Variants in INSL6 observed in about 807,000 individuals in gnomAD.
The protein encoded by INSL6 is insulin-like peptide INSL6.
Under a neutral mutation model 9.4 loss-of-function variants are expected in INSL6, and 16 were observed. That is an observed-to-expected ratio of 1.70 (90% CI 1.15 to 2.59). The LOEUF is 2.59. Ranked by LOEUF, INSL6 falls within the 30% of genes most tolerant of loss-of-function variation. INSL6 has a pLI of 0.00. For synonymous variants in INSL6, 154 were observed against 96.9 expected, an observed-to-expected ratio of 1.59 and a Z score of -3.46; for missense variants, 391 against 257.3, an observed-to-expected ratio of 1.52 and a Z score of -3.56.
chr9:5,114,631 G>A, the INSL6 span: 3 of 481,224 alleles, frequency 6.2e-6, no homozygotes, highest in African/African-American at 5.9e-5. Context: ...CCGGACACTT[G>A]GCACAGCATG....
the INSL6 span, chr9:5,054,813 A>G: frequency 1.2e-6 from 2 of 1,612,798 alleles, no homozygotes; most frequent in Non-Finnish European, 1.7e-6. This position sits in a 1 kb window ranked among gnomAD's most constrained non-coding sequence, Gnocchi z 4.9. Context: ...TGCAACCATT[A>G]TAATAACTGG....
intron 2 of INSL6, among the ~76,000 whole-genome samples, chr9:5,135,701 C>G (rs1350293172): frequency 6.6e-6 from 1 of 151,920 alleles, no homozygotes; most frequent in African/African-American, 2.4e-5. Flanking sequence ...CCTAACATCA[C>G]AATTAAAAGA....
chr9:5,128,208 T>C (rs1231126048), intron 3 of INSL6: 1 of 231,788 alleles, frequency 4.3e-6, no homozygotes, highest in Non-Finnish European at 8.5e-6. Flanking sequence ...TTCTACTTTT[T>C]TGAAAGTTGT....
the INSL6 span, chr9:5,114,337 T>C: frequency 1.9e-6 from 1 of 537,346 alleles, no homozygotes; most frequent in South Asian, 1.6e-5. Flanking sequence ...GCTCAGGTCA[T>C]CCTAAGGCAA....
At chr9:5,039,228 G>A in the INSL6 span, among the ~76,000 whole-genome samples, 908 of 152,126 alleles carry the variant, frequency 6.0e-3, 6 homozygotes, top group African/African-American at 0.02. Flanking sequence ...TAGTCATCCC[G>A]CTGTATCCAT....
At chr9:5,153,954 G>A (rs1397842599) in intron 2 of INSL6, among the ~76,000 whole-genome samples, 1 of 152,116 alleles carries the variant, frequency 6.6e-6, no homozygotes, top group African/African-American at 2.4e-5. Flanking sequence ...ACTTTCTTCA[G>A]AGAATTGGAA....
At chr9:5,109,394 C>T in the INSL6 span, 2 of 152,064 alleles carry the variant, frequency 1.3e-5, no homozygotes, top group African/African-American at 4.8e-5. Context: ...TAACTCATGC[C>T]CCCATGCCTA....
chr9:5,011,872 A>T, the INSL6 span, among the ~76,000 whole-genome samples: 1 of 152,134 alleles, frequency 6.6e-6, no homozygotes, highest in Non-Finnish European at 1.5e-5. Context: ...ACTTCTGGTA[A>T]GTGGCTCTTA....
the INSL6 span, among the ~76,000 whole-genome samples, chr9:5,018,491 C>T: frequency 2.6e-5 from 4 of 152,220 alleles, no homozygotes; most frequent in African/African-American, 7.2e-5. Context: ...AACCTGCCAC[C>T]ATGCCTGGCT....
the INSL6 span, among the ~76,000 whole-genome samples, chr9:5,031,121 A>G: frequency 1.8e-4 from 27 of 152,320 alleles, no homozygotes; most frequent in African/African-American, 6.5e-4. Flanking sequence ...GGGAGATGGA[A>G]TATTACAAAG....
the INSL6 span, among the ~76,000 whole-genome samples, chr9:5,006,034 G>C: frequency 1.3e-5 from 2 of 152,206 alleles, no homozygotes; most frequent in South Asian, 4.1e-4. Flanking sequence ...TGTGAAGAAA[G>C]TCATTGGTAG....
the INSL6 span, chr9:5,073,605 G>C: frequency 2.2e-6 from 2 of 922,582 alleles, no homozygotes; most frequent in East Asian, 4.8e-5. Flanking sequence ...GAAAGTAGGA[G>C]AAAGTGCATC....
chr9:5,111,033 C>A, the INSL6 span: 2 of 882,288 alleles, frequency 2.3e-6, no homozygotes, highest in Non-Finnish European at 3.5e-6. Context: ...CCTCCCTGGC[C>A]GGGGCGCAAT....
chr9:5,024,340 T>C, the INSL6 span, among the ~76,000 whole-genome samples: 1 of 152,146 alleles, frequency 6.6e-6, no homozygotes, highest in Admixed American at 6.5e-5. Flanking sequence ...TTTTGACAGA[T>C]TTTATTGAAT....
chr9:4,995,154 A>C, the INSL6 span, among the ~76,000 whole-genome samples: 1 of 152,154 alleles, frequency 6.6e-6, no homozygotes, highest in African/African-American at 2.4e-5. Context: ...TATAATTTTA[A>C]TTTGCTTTTT....
the INSL6 span, among the ~76,000 whole-genome samples, chr9:5,021,782 G>A: frequency 2.6e-5 from 4 of 152,086 alleles, no homozygotes; most frequent in East Asian, 1.9e-4. Context: ...GTGCTGCCAC[G>A]CCCAGCTAAT....
At chr9:5,021,654 T>A in the INSL6 span, among the ~76,000 whole-genome samples, 1 of 152,180 alleles carries the variant, frequency 6.6e-6, no homozygotes, top group East Asian at 1.9e-4. Context: ...TGAGACAGGG[T>A]CTTGCTGTGT....
intron 1 of INSL6, among the ~76,000 whole-genome samples, chr9:5,165,625 G>A (rs553845246): frequency 6.6e-6 from 1 of 152,098 alleles, no homozygotes; most frequent in South Asian, 2.1e-4. Flanking sequence ...GTCTTCTTAT[G>A]CACATCTTAC....
chr9:4,998,537 G>A, the INSL6 span, among the ~76,000 whole-genome samples: 1 of 152,242 alleles, frequency 6.6e-6, no homozygotes, highest in Non-Finnish European at 1.5e-5. Context: ...TTACAGGCAT[G>A]AGCCACCATG....
Sources: gnomAD v4.1 joint callset for allele counts (sites outside exome capture counted in the v4.1 genomes callset) on GRCh38, gnomAD v4.1.1 for gene constraint, Gnocchi (gnomAD v3.1) non-coding constraint, MANE v1.5 for transcripts, NCBI Gene and HGNC (gene_info 2026-07-23, HGNC 2026-07-21) for gene names.